Variants in INPP4B observed in about 807,000 individuals in gnomAD.
The protein encoded by INPP4B is inositol polyphosphate-4-phosphatase type II B, also known as inositol polyphosphate 4-phosphatase type II.
INPP4B carries 55 observed loss-of-function variants against 122.5 expected under a neutral mutation model. The observed-to-expected ratio is 0.45, with a 90% CI of 0.36 to 0.56. The LOEUF (loss-of-function observed/expected upper bound fraction) is 0.56. INPP4B is among the 20% of genes least tolerant of loss of function. The pLI, the probability that INPP4B is intolerant of heterozygous loss-of-function variation, is 0.00. For synonymous variants in INPP4B, 403 were observed against 388.7 expected, an observed-to-expected ratio of 1.04 and a Z score of -0.43; for missense variants, 1,000 against 1,097.7, an observed-to-expected ratio of 0.91 and a Z score of 1.26.
Position 142,105,448 on chromosome 4 carries a change from T to G in INPP4B, c.2374+2645A>C, listed in dbSNP as rs377299804. On this transcript the variant is annotated intron_variant, in intron 23 of 25. Coordinates refer to ENST00000262992, the MANE Select transcript of INPP4B (RefSeq NM_001101669.3). ...GCTGAATTGTGACTATAAACTAAAATTGCTACAAATATAACAGAATTAGAA... is the reference window on the plus strand; with the variant it reads ...GCTGAATTGTGACTATAAACTAAAAGTGCTACAAATATAACAGAATTAGAA... Among the ~76,000 whole-genome samples the G allele has an allele frequency of 3.3e-5, 5 of 152,240 alleles. No homozygotes were observed. The East Asian group carries it at 9.7e-4, about 29-fold the overall frequency.
chr4:142,334,359 C>T (rs998983928), intron 7 of INPP4B, among the ~76,000 whole-genome samples: 1 of 152,100 alleles, frequency 6.6e-6, no homozygotes, highest in Non-Finnish European at 1.5e-5. Context: ...AGAGGATACT[C>T]GGATTGTTTC....
intron 25 of INPP4B, among the ~76,000 whole-genome samples, chr4:142,065,255 A>T (rs1302989389): frequency 5.3e-5 from 8 of 152,030 alleles, no homozygotes; most frequent in African/African-American, 1.9e-4. Flanking sequence ...ACACACACAC[A>T]CACACACACA....
chr4:142,427,320 G>A (rs1376924932), intron 5 of INPP4B: 1 of 391,064 alleles, frequency 2.6e-6, no homozygotes, highest in Non-Finnish European at 4.5e-6. Flanking sequence ...CGCTCATCAA[G>A]CATTTCTTGC....
chr4:142,456,174 C>A (rs1273492804), intron 3 of INPP4B, among the ~76,000 whole-genome samples: 1 of 146,366 alleles, frequency 6.8e-6, no homozygotes, highest in Non-Finnish European at 1.5e-5. Flanking sequence ...CCAATTTGTC[C>A]ATTTTTGCTT....
At chr4:142,193,420 G>A (rs1836839601) in intron 14 of INPP4B, among the ~76,000 whole-genome samples, 1 of 152,084 alleles carries the variant, frequency 6.6e-6, no homozygotes, top group Non-Finnish European at 1.5e-5. Context: ...CCTGATTTAT[G>A]ACTACATCTT....
At position 142,122,016 on chromosome 4, in the gene INPP4B, A is replaced by C. The variant is rs77991387; in HGVS notation, c.2135+112T>G. On this transcript the variant is annotated intron_variant, in intron 21 of 25. Transcript: ENST00000262992. ...TTTCTTACCAAAAAGGAAAAGAAAAAAAACAAAAGAAATATTCCCAAATCA... is the reference window on the plus strand; with the variant it reads ...TTTCTTACCAAAAAGGAAAAGAAAACAAACAAAAGAAATATTCCCAAATCA... The C allele has an allele frequency of 4.9e-3, 3,449 of 710,826 alleles. 114 individuals carry two copies. The African/African-American group carries it at 0.058, about 12-fold the overall frequency. The allele number at this position is 710,826 out of a possible 1,614,324, so 44.0% of individuals were successfully genotyped here.
At chr4:142,146,962 TATTA>T (rs1447414802) in intron 17 of INPP4B, among the ~76,000 whole-genome samples, 1 of 152,224 alleles carries the variant, frequency 6.6e-6, no homozygotes, top group Non-Finnish European at 1.5e-5. Flanking sequence ...ACAAAATTGC[TATTA>T]ATTGTTTAAA....
chr4:142,464,514 G>C (rs1817367119), intron 2 of INPP4B, among the ~76,000 whole-genome samples: 1 of 151,444 alleles, frequency 6.6e-6, no homozygotes, highest in South Asian at 2.1e-4. Flanking sequence ...AATTATACCA[G>C]GACTCATTTA....
chr4:142,545,804 T>TAC (rs202192615), intron 2 of INPP4B, among the ~76,000 whole-genome samples: 22 of 104,810 alleles, frequency 2.1e-4, no homozygotes, highest in Admixed American at 3.8e-4. Context: ...TGTATATATA[T>TAC]ACACATATAC....
intron 2 of INPP4B, among the ~76,000 whole-genome samples, chr4:142,474,942 A>C (rs571313623): frequency 6.6e-6 from 1 of 152,292 alleles, no homozygotes; most frequent in South Asian, 2.1e-4. Flanking sequence ...ACTCACACCC[A>C]CCTGTCATAG....
chr4:142,642,339 G>T (rs1338680154), intron 2 of INPP4B, among the ~76,000 whole-genome samples: 4 of 152,132 alleles, frequency 2.6e-5, no homozygotes, highest in African/African-American at 4.8e-5. Context: ...TGAAGTCTTT[G>T]CACATGCCTA....
At chr4:142,709,417 G>A (rs920876042) in intron 2 of INPP4B, among the ~76,000 whole-genome samples, 10 of 152,114 alleles carry the variant, frequency 6.6e-5, no homozygotes, top group Non-Finnish European at 1.0e-4. Context: ...TTAGATTTGT[G>A]TCCCTGCCCA....
At chr4:142,753,494 A>G (rs331965) in intron 1 of INPP4B, among the ~76,000 whole-genome samples, 35,334 of 151,984 alleles carry the variant, frequency 0.23, 4,380 homozygotes, top group South Asian at 0.35. Context: ...GATAAAGACC[A>G]GGTCAGCCCA....
intron 9 of INPP4B, among the ~76,000 whole-genome samples, chr4:142,302,622 G>GT (rs1761901751): frequency 6.6e-6 from 1 of 152,088 alleles, no homozygotes; most frequent in East Asian, 1.9e-4. Flanking sequence ...AATTATCAGA[G>GT]CACAAAGCAC....
intron 25 of INPP4B, among the ~76,000 whole-genome samples, chr4:142,032,438 AC>A (rs1560878346): frequency 6.6e-6 from 1 of 151,630 alleles, no homozygotes; most frequent in Non-Finnish European, 1.5e-5. Context: ...CCCTATAAGA[AC>A]CCCCCAAGAT....
At position 142,207,909 on chromosome 4, in the gene INPP4B, T is replaced by G. The variant is rs141501530; in HGVS notation, c.1072+516A>C. 4.7e-3 allele frequency among the ~76,000 whole-genome samples: 710 copies of G among 152,264 alleles called. 6 individuals are homozygous for G. Among genetic ancestry groups the G allele is most frequent in the African/African-American group, 0.016 (683 of 41,572 alleles). On this transcript the variant is annotated intron_variant, in intron 14 of 25. Transcript: ENST00000262992. ...ACATTCAGAAAAACCTATATATTTC[T>G]CTTTGACAAATATTTCTTACAACTG...
At chr4:142,697,825 C>T (rs1437172862) in intron 2 of INPP4B, among the ~76,000 whole-genome samples, 4 of 152,106 alleles carry the variant, frequency 2.6e-5, no homozygotes, top group African/African-American at 4.8e-5. Context: ...TTACAAATCC[C>T]TTTCTAGGCC....
chr4:142,158,643 A>ATCTATTTTTATC (rs1818473344), intron 17 of INPP4B, among the ~76,000 whole-genome samples: 1 of 152,108 alleles, frequency 6.6e-6, no homozygotes, highest in Non-Finnish European at 1.5e-5. Flanking sequence ...ATTTGTTTAC[A>ATCTATTTTTATC]TATTTTTATC....
At chr4:142,432,739 A>G (rs941623823) in intron 3 of INPP4B, among the ~76,000 whole-genome samples, 8 of 152,136 alleles carry the variant, frequency 5.3e-5, no homozygotes, top group African/African-American at 1.9e-4. Context: ...GGACATGAGG[A>G]CTATATAATT....
Sources: allele counts gnomAD v4.1 joint callset (sites outside exome capture counted in the v4.1 genomes callset), GRCh38; gene constraint gnomAD v4.1.1; transcripts MANE v1.5; gene names NCBI Gene and HGNC (gene_info 2026-07-23, HGNC 2026-07-21).